Variants in SNX25 observed in about 807,000 individuals in gnomAD.
SNX25 encodes sorting nexin 25, also known as sorting nexin-25.
Under a neutral mutation model 113.7 loss-of-function variants are expected in SNX25, and 62 were observed. That is an observed-to-expected ratio of 0.55 (90% CI 0.44 to 0.67). The LOEUF is 0.67. Ranked by LOEUF, SNX25 falls within the 30% of genes least tolerant of loss-of-function variation. The pLI is 0.00. For missense variants in SNX25, 1,014 were observed against 1,161.0 expected, an observed-to-expected ratio of 0.87 and a Z score of 1.84; for synonymous variants, 421 against 436.2, an observed-to-expected ratio of 0.97 and a Z score of 0.43.
intron 9 of SNX25, among the ~76,000 whole-genome samples, chr4:185,329,174 A>C (rs1001699246): frequency 2.0e-5 from 3 of 152,206 alleles, no homozygotes; most frequent in Admixed American, 1.3e-4. Context: ...GGTCCCTGAG[A>C]ATTTGAAAGT....
At chr4:185,333,553 G>A (rs1274766855) in intron 10 of SNX25, among the ~76,000 whole-genome samples, 1 of 152,156 alleles carries the variant, frequency 6.6e-6, no homozygotes, top group Non-Finnish European at 1.5e-5. Flanking sequence ...CTGGTATCAT[G>A]AGCCTATCAG....
intron 6 of SNX25, among the ~76,000 whole-genome samples, chr4:185,297,627 C>G (rs1753013407): frequency 6.6e-6 from 1 of 152,200 alleles, no homozygotes; most frequent in Non-Finnish European, 1.5e-5. Context: ...TTCTCACAGT[C>G]TAGAGGCTGG....
chr4:185,325,737 T>G (rs1165897429), intron 9 of SNX25, among the ~76,000 whole-genome samples: 2 of 152,332 alleles, frequency 1.3e-5, no homozygotes, highest in African/African-American at 2.4e-5. Flanking sequence ...TACTGTCAGA[T>G]AACTATGAGT....
At chr4:185,369,395 CAGTAGAGACAGGATTATTTAGTATTTTT>C (rs1191203176) in intron 11 of SNX25, among the ~76,000 whole-genome samples, 13 of 151,106 alleles carry the variant, frequency 8.6e-5, no homozygotes, top group Admixed American at 3.3e-4. Flanking sequence ...TTTTATTTTT[CAGTAGAGACAGGATTATTTAGTATTTTT>C]AGTAGAGACC....
At position 185,315,993 on chromosome 4, in the gene SNX25, T is replaced by C. The variant is rs1472230164; in HGVS notation, c.1345-4740T>C. On this transcript the variant is annotated intron_variant, in intron 7 of 18. Transcript: ENST00000652585. ...TACTGCTCATATTTAAAGTGTACAA[T>C]ATGATAAGTTTTGACATACACATAT... Among the ~76,000 whole-genome samples, 3 of 152,230 alleles carry C rather than the reference T, an allele frequency of 2.0e-5. No homozygotes were observed. In the East Asian group the frequency reaches 5.8e-4, roughly 29 times the overall value.
At position 185,268,467 on chromosome 4, in the gene SNX25, T is replaced by C. The variant is rs549439450; in HGVS notation, c.1091+1312T>C. Among the ~76,000 whole-genome samples the C allele has an allele frequency of 2.0e-5, 3 of 152,272 alleles. No homozygotes were observed. In the South Asian group the frequency reaches 6.2e-4, roughly 32 times the overall value. ...AGTATGATTATATAGTATTATCTAG[T>C]TTGTAAATTTTCTAGGCTTCTGTTT... On this transcript the variant is annotated intron_variant, in intron 5 of 18. Coordinates refer to ENST00000652585, the MANE Select transcript of SNX25 (RefSeq NM_001378034.2).
chr4:185,359,392 A>G (rs2095352303), intron 16 of SNX25, among the ~76,000 whole-genome samples: 1 of 152,060 alleles, frequency 6.6e-6, no homozygotes, highest in African/African-American at 2.4e-5. Context: ...TAGTTGACCT[A>G]AGTATCATAG....
In SNX25 at chr4:185,267,146, A is replaced by G. The variant is rs749922208; in HGVS notation, c.1082A>G (p.Lys361Arg). 14 of 1,613,646 alleles carry G rather than the reference A, an allele frequency of 8.7e-6. No homozygotes were observed. The highest frequency in any genetic ancestry group is 7.7e-5 in the South Asian group (7 of 90,968). ...INSNSDVEFL[K>R]QLRYQIVVEI... ...AGCAACTCTGATGTGGAGTTCTTGA[A>G]GCAACTAAGGTATTTGGTCTTCAAT... Residue 361 changes from lysine (K) to arginine (R), a missense_variant, in exon 5 of 19, where the codon AAG becomes AGG. Physicochemically the swap from Lys to Arg is conservative, Grantham distance 26 (BLOSUM62 2). Transcript: ENST00000652585.
intron 2 of SNX25, 22 bp downstream of exon 2, chr4:185,247,400 A>G (rs745537424): frequency 1.7e-5 from 24 of 1,428,242 alleles, no homozygotes; most frequent in Non-Finnish European, 2.3e-5. Flanking sequence ...ATGAGAGTAT[A>G]TAATTACCAT....
intron 6 of SNX25, among the ~76,000 whole-genome samples, chr4:185,303,132 A>G (rs1051686010): frequency 6.6e-6 from 1 of 152,176 alleles, no homozygotes; most frequent in Non-Finnish European, 1.5e-5. Context: ...CTTGAGCCCA[A>G]GTCTCCTGAG....
Position 185,278,033 on chromosome 4 carries a change from T to G in SNX25, c.1092-9979T>G, listed in dbSNP as rs1284089871. Among the ~76,000 whole-genome samples the G allele has an allele frequency of 1.3e-5, 2 of 151,976 alleles. 1 individual carries two copies. The highest frequency in any genetic ancestry group is 3.9e-4 in the East Asian group (2 of 5,184). On this transcript the variant is annotated intron_variant, in intron 5 of 18. Transcript: ENST00000652585. Reference sequence around the variant, plus strand: ...AGGCGTGAGCCACCGCGCCCGGCCTTATTACCTTTTAAAAAATAAAATTTA... The same window carrying G: ...AGGCGTGAGCCACCGCGCCCGGCCTGATTACCTTTTAAAAAATAAAATTTA...
chr4:185,302,106 T>TG (rs1054536516), intron 6 of SNX25, among the ~76,000 whole-genome samples: 4 of 149,988 alleles, frequency 2.7e-5, no homozygotes, highest in Non-Finnish European at 4.4e-5. Flanking sequence ...TTTTGTTTTT[T>TG]TTTTTTTTTA....
chr4:185,376,885 A>G, the SNX25 span: 1 of 1,540,490 alleles, frequency 6.5e-7, no homozygotes, highest in Non-Finnish European at 9.0e-7. Context: ...CAGGAAATGA[A>G]AACGAATAAA....
At chr4:185,214,464 T>G (rs1477093299) in intron 1 of SNX25, among the ~76,000 whole-genome samples, 1 of 151,596 alleles carries the variant, frequency 6.6e-6, no homozygotes, top group African/African-American at 2.4e-5. Context: ...TCCCAGCTAC[T>G]TGGGAGGCTG....
Position 185,212,485 on chromosome 4 carries a change from G to T in SNX25, c.429+2230G>T, listed in dbSNP as rs59436764. Among the ~76,000 whole-genome samples the T allele has an allele frequency of 2.1e-3, 103 of 48,292 alleles. 1 individual carries two copies. Among genetic ancestry groups the T allele is most frequent in the Non-Finnish European group, 2.8e-3 (65 of 22,878 alleles). 31.7% of individuals were successfully genotyped at this position (48,292 alleles called of 152,430 possible). On this transcript the variant is annotated intron_variant, in intron 1 of 18. Coordinates refer to ENST00000652585, the MANE Select transcript of SNX25 (RefSeq NM_001378034.2). ...GTGATGTGTGTGTGTGTGTGTGTGT[G>T]TGTGTGTTTTTTTTTTTTTTTGCTT...
intron 15 of SNX25, among the ~76,000 whole-genome samples, chr4:185,354,450 G>A (rs2095330246): frequency 6.6e-6 from 1 of 152,142 alleles, no homozygotes; most frequent in Non-Finnish European, 1.5e-5. Context: ...TGGAGTGAGG[G>A]GTGCTACTGG....
intron 7 of SNX25, among the ~76,000 whole-genome samples, chr4:185,317,977 T>C (rs2095088667): frequency 6.6e-6 from 1 of 152,074 alleles, no homozygotes; most frequent in African/African-American, 2.4e-5. Context: ...AAAATCTGAA[T>C]AGACCCTCTG....
chr4:185,263,031 T>C (rs1225868190), intron 3 of SNX25, among the ~76,000 whole-genome samples: 1 of 152,210 alleles, frequency 6.6e-6, no homozygotes. Flanking sequence ...CTTCCATAGA[T>C]CAAGCTGCTT....
In SNX25 at chr4:185,210,546, C is replaced by T. The variant is rs980439448; in HGVS notation, c.429+291C>T. The stretch of plus-strand genomic sequence containing the variant: ...TCCTCAGTCACAACCCTAAGGGTGT[C>T]CCCAGACCTTCGGTGTCGCTTGCCG... On this transcript the variant is annotated intron_variant, in intron 1 of 18. Coordinates refer to ENST00000652585, the MANE Select transcript of SNX25 (RefSeq NM_001378034.2). This position sits in a 1 kb window ranked among gnomAD's most constrained non-coding sequence, Gnocchi z 4.4. 6.6e-6 allele frequency among the ~76,000 whole-genome samples: 1 copy of T among 152,200 alleles called. No homozygotes were observed. Among genetic ancestry groups the T allele is most frequent in the Non-Finnish European group, 1.5e-5 (1 of 68,032 alleles).
Sources: gnomAD v4.1 joint callset for allele counts (sites outside exome capture counted in the v4.1 genomes callset) on GRCh38, gnomAD v4.1.1 for gene constraint, Gnocchi (gnomAD v3.1) non-coding constraint, MANE v1.5 for transcripts, NCBI Gene and HGNC (gene_info 2026-07-23, HGNC 2026-07-21) for gene names.